The following SENP3 variants were observed in gnomAD, a reference collection of about 807,000 sequenced individuals.
SENP3 encodes SUMO specific peptidase 3, also known as sentrin-specific protease 3.
Under a neutral mutation model 66.2 loss-of-function variants are expected in SENP3, and 11 were observed. That is an observed-to-expected ratio of 0.17 (90% CI 0.10 to 0.28). The LOEUF is 0.28. Ranked by LOEUF, SENP3 falls within the 10% of genes least tolerant of loss-of-function variation. SENP3 has a pLI of 1.00. For synonymous variants in SENP3, 292 were observed against 277.6 expected (o/e 1.05, Z -0.52); for missense variants, 548 against 743.7 (o/e 0.74, Z 3.06).
chr17:7,570,957 C>T lies in SENP3; in HGVS notation c.1614+24C>T, dbSNP rs771093507. ...AGGTAAGCAGATGATGGGGCCACCT[C>T]CCCTAGCTCTGAAGTCAGTTGGGTT... On this transcript the variant is annotated intron_variant, in intron 10 of 10. Coordinates refer to ENST00000321337, the MANE Select transcript of SENP3 (RefSeq NM_015670.6). The surrounding 1 kb of genome is among the most constrained non-coding windows in gnomAD (Gnocchi z 5.4). 1 of 1,608,800 alleles carries T rather than the reference C, an allele frequency of 6.2e-7. No individual in the cohort carries two copies. The highest frequency in any genetic ancestry group is 1.7e-5 in the Admixed American group (1 of 59,398).
chr17:7,568,686 G>C (rs2071287530), intron 7 of SENP3, among the ~76,000 whole-genome samples: 1 of 152,006 alleles, frequency 6.6e-6, no homozygotes, highest in Non-Finnish European at 1.5e-5. Context: ...CCTCTTCCCG[G>C]TACCTTTCCC....
intron 4 of SENP3, 62 bp downstream of exon 4, chr17:7,565,132 T>A: frequency 2.4e-6 from 3 of 1,238,452 alleles, no homozygotes; most frequent in Non-Finnish European, 3.5e-6. Flanking sequence ...GAGAGAATAC[T>A]GCTGCCTTTT....
chr17:7,565,087 C>T lies in SENP3; in HGVS notation c.1067+17C>T, dbSNP rs1393150329. The T allele has an allele frequency of 1.3e-6, 2 of 1,568,092 alleles. No individual in the cohort carries two copies. On this transcript the variant is annotated intron_variant, in intron 4 of 10. Coordinates refer to ENST00000321337, the MANE Select transcript of SENP3 (RefSeq NM_015670.6). ...CCCTTCCAGGTGAGGCTTGAAAGCCCTCCTTGAAAGAAGGGCTGGGGCCTT... is the reference window on the plus strand; with the variant it reads ...CCCTTCCAGGTGAGGCTTGAAAGCCTTCCTTGAAAGAAGGGCTGGGGCCTT...
chr17:7,567,241 C>T (rs916773332), intron 7 of SENP3, among the ~76,000 whole-genome samples: 4 of 152,144 alleles, frequency 2.6e-5, no homozygotes, highest in African/African-American at 4.8e-5. Context: ...TGAGGCTGGG[C>T]GCAGTGGCTC....
At position 7,564,656 on chromosome 17, in the gene SENP3, T is replaced by TG; in HGVS notation, c.752dup (p.Gln252ThrfsTer14). On this transcript the variant is annotated frameshift_variant, in exon 3 of 11. Transcript: ENST00000321337. LOFTEE classifies it high-confidence loss of function. ...TTTCATGTACTCTGCCCAACGGTTT[T>TG]GGGGGACAATCTGGGCCAGAAGGGG... 1 of 1,614,040 alleles carries TG rather than the reference T, an allele frequency of 6.2e-7. No individual in the cohort carries two copies. The highest frequency in any genetic ancestry group is 8.5e-7 in the Non-Finnish European group (1 of 1,179,886).
chr17:7,566,898 C>G, intron 6 of SENP3, 29 bp from the exon 7 acceptor site: 1 of 1,495,106 alleles, frequency 6.7e-7, no homozygotes. Context: ...CTTTTAATTC[C>G]ATTGAGCTTT....
At chr17:7,568,074 C>G (rs1000922056) in intron 7 of SENP3, among the ~76,000 whole-genome samples, 18 of 150,956 alleles carry the variant, frequency 1.2e-4, no homozygotes, top group African/African-American at 3.2e-4. Flanking sequence ...GTCTCCTGAC[C>G]AGGCTCCTGG....
chr17:7,565,920 T>C (rs910563833), intron 6 of SENP3, 156 bp downstream of exon 6: 46 of 648,118 alleles, frequency 7.1e-5, no homozygotes, highest in African/African-American at 5.5e-4. Flanking sequence ...TCCGTAATCT[T>C]GGGCTCTGGA....
rs1036695257 is a variant in SENP3, at chr17:7,562,561, G to T, written c.-12+298G>T. Among the ~76,000 whole-genome samples, 1 of 152,182 alleles carries T rather than the reference G, an allele frequency of 6.6e-6. No individual in the cohort carries two copies. The highest frequency in any genetic ancestry group is 1.5e-5 in the Non-Finnish European group (1 of 68,036). On this transcript the variant is annotated intron_variant, in intron 1 of 10. Coordinates refer to ENST00000321337, the MANE Select transcript of SENP3 (RefSeq NM_015670.6). This position sits in a 1 kb window ranked among gnomAD's most constrained non-coding sequence, Gnocchi z 5.0. The stretch of plus-strand genomic sequence containing the variant: ...CCCCGTTTATCAGCCTCTGCCCCCT[G>T]AACCATATCCCTGGCATCTGCACTT...
rs1423869529 is a variant in SENP3, at chr17:7,571,896, TATATATATATATAAAA to T, written c.*421_*436del. On this transcript the variant is annotated 3_prime_UTR_variant, in exon 11 of 11. Coordinates refer to ENST00000321337, the MANE Select transcript of SENP3 (RefSeq NM_015670.6). ...ATATATATATATATATATATATATATATATATATATATAAAAATATATAAATGCCACGGTCCTGCTC... is the reference window on the plus strand; with the variant it reads ...ATATATATATATATATATATATATATATATATAAATGCCACGGTCCTGCTC... 1 of 11,476 alleles carries T rather than the reference TATATATATATATAAAA, an allele frequency of 8.7e-5. No homozygotes were observed. The highest frequency in any genetic ancestry group is 2.1e-4 in the Non-Finnish European group (1 of 4,670). The allele number at this position is 11,476 out of a possible 1,614,324, so 0.7% of individuals were successfully genotyped here. A position where few individuals can be genotyped will look rare whatever the true frequency, so the allele number is the denominator to read the frequency against.
chr17:7,570,645 C>T lies in SENP3; in HGVS notation c.1480-36C>T, dbSNP rs1204681868. ...CACCATACTGTGTTCAATTGAGAAA[C>T]TTAGGGCATCACTTTCTTTTCCCCC... On this transcript the variant is annotated intron_variant, in intron 8 of 10. Coordinates refer to ENST00000321337, the MANE Select transcript of SENP3 (RefSeq NM_015670.6). The surrounding 1 kb of genome is among the most constrained non-coding windows in gnomAD (Gnocchi z 5.4). 6.2e-7 allele frequency: 1 copy of T among 1,600,290 alleles called. No homozygotes were observed. Among genetic ancestry groups the T allele is most frequent in the Admixed American group, 1.7e-5 (1 of 57,740 alleles).
intron 7 of SENP3, among the ~76,000 whole-genome samples, chr17:7,569,113 C>T (rs113967036): frequency 1.3e-5 from 2 of 151,992 alleles, no homozygotes; most frequent in South Asian, 2.1e-4. Flanking sequence ...TTGCCGGGCG[C>T]GGTGGCTCAC....
Position 7,571,494 on chromosome 17 carries a change from C to T in SENP3, c.*11C>T, listed in dbSNP as rs766228256. 6.2e-7 allele frequency: 1 copy of T among 1,601,906 alleles called. No homozygotes were observed. The highest frequency in any genetic ancestry group is 1.7e-5 in the Admixed American group (1 of 59,956). On this transcript the variant is annotated 3_prime_UTR_variant, in exon 11 of 11. Coordinates refer to ENST00000321337, the MANE Select transcript of SENP3 (RefSeq NM_015670.6). Reference sequence around the variant, plus strand: ...AAACTCACTGTGTGAGCCTCGTACCCCAGACCCCAAGCCCATAAATGGGAA... The same window carrying T: ...AAACTCACTGTGTGAGCCTCGTACCTCAGACCCCAAGCCCATAAATGGGAA...
At chr17:7,566,860 G>A in intron 6 of SENP3, 67 bp from the exon 7 acceptor site, 3 of 1,140,616 alleles carry the variant, frequency 2.6e-6, no homozygotes, top group Non-Finnish European at 3.9e-6. Flanking sequence ...GGACTGAGGA[G>A]GGGAGACTTA....
rs1336026389 is a variant in SENP3, at chr17:7,571,893, A to G, written c.*410A>G. On this transcript the variant is annotated 3_prime_UTR_variant, in exon 11 of 11. Transcript: ENST00000321337. ...TATATATATATATATATATATATAT[A>G]TATATATATATATATAAAAATATAT... 1.6e-3 allele frequency: 19 copies of G among 11,988 alleles called. 5 individuals carry two copies. Among genetic ancestry groups the G allele is most frequent in the Admixed American group, 9.3e-3 (12 of 1,292 alleles). The allele number at this position is 11,988 out of a possible 1,614,324, so 0.7% of individuals were successfully genotyped here. A position where few individuals can be genotyped will look rare whatever the true frequency, so the allele number is the denominator to read the frequency against.
rs1018177700 is a variant in SENP3 at position 7,571,236 on chromosome 17, G to GT, written c.1615-132dup. ...AGAACACTAGCTTTAGAGTCAGGCTGTTTTTGAACCCCAGGCTGTGGGACC... is the reference window on the plus strand; with the variant it reads ...AGAACACTAGCTTTAGAGTCAGGCTGTTTTTTGAACCCCAGGCTGTGGGACC... On this transcript the variant is annotated intron_variant, in intron 10 of 10. Coordinates refer to ENST00000321337, the MANE Select transcript of SENP3 (RefSeq NM_015670.6). 9.9e-5 allele frequency: 65 copies of GT among 657,372 alleles called. No individual in the cohort carries two copies. The African/African-American group carries it at 1.1e-3, about 11-fold the overall frequency. 40.7% of individuals were successfully genotyped at this position (657,372 alleles called of 1,614,324 possible).
Position 7,563,156 on chromosome 17 carries a change from C to G in SENP3, c.80C>G (p.Pro27Arg), listed in dbSNP as rs765786938. 1.9e-6 allele frequency: 3 copies of G among 1,553,116 alleles called. No homozygotes were observed. Among genetic ancestry groups the G allele is most frequent in the East Asian group, 2.3e-5 (1 of 44,430 alleles). ...GPGIPPAYSS[P>R]RRERLRWPPP... The stretch of plus-strand genomic sequence containing the variant: ...GGCATACCCCCAGCTTACTCAAGTC[C>G]CAGGCGGGAGCGTCTTCGTTGGCCC... Residue 27 changes from proline to arginine, a missense_variant, in exon 2 of 11, where the codon CCC becomes CGC. Transcript: ENST00000321337.
rs752103724 is a variant in SENP3 at position 7,570,483 on chromosome 17, G to A, written c.1469G>A (p.Arg490His). The change falls in exon 8 of 11, where the codon CGC becomes CAC. Residue 490 changes from arginine (R) to histidine (H), a missense_variant. Physicochemically the swap from Arg to His is conservative, Grantham distance 29 (BLOSUM62 0). This residue lies in a region of SENP3 where 81 missense variants were observed against 139.8 expected (regional missense o/e 0.58). Transcript: ENST00000321337. The surrounding 1 kb of genome is among the most constrained non-coding windows in gnomAD (Gnocchi z 5.4). ...YFDSQRTLNR[R>H]CPKHIAKYLQ... ...GACTCGCAGCGTACCCTAAACCGCC[G>A]CTGCCCTAAGGTTTGAGGGGGTAGG... 4 of 1,612,530 alleles carry A rather than the reference G, an allele frequency of 2.5e-6. No individual in the cohort carries two copies. The highest frequency in any genetic ancestry group is 2.2e-5 in the South Asian group (2 of 91,022).
chr17:7,562,085 G>A lies in SENP3; in HGVS notation c.-190G>A. ...GCTGAAGCAGAGCCAGAGGCGGCGC[G>A]GCGGGGTGCTCGGCGGCGCGGCACG... On this transcript the variant is annotated 5_prime_UTR_variant, in exon 1 of 11. Transcript: ENST00000321337. This position sits in a 1 kb window ranked among gnomAD's most constrained non-coding sequence, Gnocchi z 5.0. 1 of 398,596 alleles carries A rather than the reference G, an allele frequency of 2.5e-6. No homozygotes were observed. 24.7% of individuals were successfully genotyped at this position (398,596 alleles called of 1,614,324 possible).
Sources: gnomAD v4.1 joint callset for allele counts (sites outside exome capture counted in the v4.1 genomes callset) on GRCh38, gnomAD v4.1.1 for gene constraint, gnomAD v4.1.1 regional missense constraint, Gnocchi (gnomAD v3.1) non-coding constraint, MANE v1.5 for transcripts, NCBI Gene and HGNC (gene_info 2026-07-23, HGNC 2026-07-21) for gene names.